The following INSR variants were observed in gnomAD, a reference collection of about 807,000 sequenced individuals.
The protein encoded by INSR is insulin receptor, also known as IR.
INSR carries 67 observed loss-of-function variants against 142.6 expected under a neutral mutation model. The observed-to-expected ratio is 0.47, with a 90% CI of 0.39 to 0.58. INSR has a LOEUF of 0.58. Ranked by LOEUF, INSR falls within the 20% of genes least tolerant of loss-of-function variation. The pLI is 0.00. For synonymous variants in INSR, 756 were observed against 743.1 expected (o/e 1.02, Z -0.28); for missense variants, 1,248 against 1,833.2 (o/e 0.68, Z 5.83).
intron 1 of INSR, among the ~76,000 whole-genome samples, chr19:7,284,222 G>A (rs962247086): frequency 2.0e-5 from 3 of 151,780 alleles, no homozygotes; most frequent in Non-Finnish European, 2.9e-5. Flanking sequence ...GCGCCATCAC[G>A]CCCAGCTAAT....
At chr19:7,226,366 C>T (rs979110468) in intron 2 of INSR, among the ~76,000 whole-genome samples, 11 of 149,096 alleles carry the variant, frequency 7.4e-5, no homozygotes, top group Non-Finnish European at 1.5e-4. Context: ...GCCAAGATCG[C>T]ACCACTGCAC....
intron 13 of INSR, among the ~76,000 whole-genome samples, chr19:7,141,045 T>G (rs1973059365): frequency 6.6e-6 from 1 of 152,180 alleles, no homozygotes; most frequent in Non-Finnish European, 1.5e-5. Context: ...ATAAGGTTTT[T>G]GTTGTTGCTG....
intron 3 of INSR, among the ~76,000 whole-genome samples, chr19:7,178,013 A>T (rs1389544355): frequency 6.6e-6 from 1 of 152,064 alleles, no homozygotes; most frequent in Non-Finnish European, 1.5e-5. Flanking sequence ...ACGCAATTTT[A>T]TCCGTTGCTA....
chr19:7,201,729 C>A (rs186467489), intron 2 of INSR, among the ~76,000 whole-genome samples: 19 of 139,102 alleles, frequency 1.4e-4, no homozygotes, highest in African/African-American at 5.1e-4. Context: ...GTGGCGCGAT[C>A]TCGGCTCACG....
intron 2 of INSR, among the ~76,000 whole-genome samples, chr19:7,240,359 G>A (rs1175545707): frequency 6.6e-6 from 1 of 152,120 alleles, no homozygotes; most frequent in Non-Finnish European, 1.5e-5. Context: ...GAGGCAGGTG[G>A]ATTACCTGAA....
At position 7,115,085 on chromosome 19, in the gene INSR, C is replaced by T. The variant is rs1972291913; in HGVS notation, c.*1971G>A. ...AGCAATAGACAATTGGGATTCATGT[C>T]TACCTGTGTTCTTAATCAAGAATTG... On this transcript the variant is annotated 3_prime_UTR_variant, in exon 22 of 22. Transcript: ENST00000302850. 6.6e-6 allele frequency: 1 copy of T among 152,184 alleles called. No individual in the cohort carries two copies. Among genetic ancestry groups the T allele is most frequent in the Non-Finnish European group, 1.5e-5 (1 of 68,034 alleles). 9.4% of individuals were successfully genotyped at this position (152,184 alleles called of 1,614,324 possible).
At chr19:7,263,172 G>A (rs984417570) in intron 2 of INSR, among the ~76,000 whole-genome samples, 3 of 151,968 alleles carry the variant, frequency 2.0e-5, no homozygotes, top group Non-Finnish European at 4.4e-5. Context: ...CCAGTCACTC[G>A]GAAGGCTGAG....
At chr19:7,118,210 C>A (rs1972384159) in intron 21 of INSR, among the ~76,000 whole-genome samples, 1 of 151,828 alleles carries the variant, frequency 6.6e-6, no homozygotes, top group South Asian at 2.1e-4. Context: ...CTGCGCTCTA[C>A]CAGCCTGGGT....
chr19:7,189,136 T>C (rs1974510291), intron 2 of INSR, among the ~76,000 whole-genome samples: 1 of 151,732 alleles, frequency 6.6e-6, no homozygotes, highest in South Asian at 2.1e-4. Flanking sequence ...CAGACAACAA[T>C]GATCCAGGAC....
rs8105997 is a variant in INSR at position 7,216,716 on chromosome 19, G to A, written c.653-32079C>T. On this transcript the variant is annotated intron_variant, in intron 2 of 21. Coordinates refer to ENST00000302850, the MANE Select transcript of INSR (RefSeq NM_000208.4). This position sits in a 1 kb window ranked among gnomAD's most constrained non-coding sequence, Gnocchi z 4.2. ...CCTGTTGGCCCCTGGCTAGAGACCCGCCCAGAGGGGGTTTCCAGGCCCAGG... is the reference window on the plus strand; with the variant it reads ...CCTGTTGGCCCCTGGCTAGAGACCCACCCAGAGGGGGTTTCCAGGCCCAGG... Among the ~76,000 whole-genome samples, 5,146 of 152,246 alleles carry A rather than the reference G, an allele frequency of 0.034. 292 individuals are homozygous for A. Among genetic ancestry groups the A allele is most frequent in the African/African-American group, 0.12 (4,822 of 41,532 alleles).
At chr19:7,122,495 G>T in intron 19 of INSR, 119 bp downstream of exon 19, 9 of 995,356 alleles carry the variant, frequency 9.0e-6, no homozygotes, top group African/African-American at 1.8e-5. Context: ...AAAAAAAAAA[G>T]AAGTATCTTG....
In INSR at chr19:7,117,271, G is replaced by T. The variant is rs201506342; in HGVS notation, c.3934C>A (p.Pro1312Thr). 5 of 1,614,194 alleles carry T rather than the reference G, an allele frequency of 3.1e-6. No individual in the cohort carries two copies. In the Admixed American group the frequency reaches 8.3e-5, roughly 27 times the overall value. Residue 1312 changes from proline (P) to threonine (T), a missense_variant, in exon 22 of 22, where the codon CCC becomes ACC. Physicochemically the swap from Pro to Thr is conservative, Grantham distance 38 (BLOSUM62 -1). Transcript: ENST00000302850. ...SFFHSEENKAPESEELEMEFE... is the reference protein window; with the variant it reads ...SFFHSEENKATESEELEMEFE... Reference sequence around the variant, plus strand: ...TCCATCTCCAGCTCCTCACTCTCGGGAGCCTTGTTCTCCTCGCTGTGGAAG... The same window carrying T: ...TCCATCTCCAGCTCCTCACTCTCGGTAGCCTTGTTCTCCTCGCTGTGGAAG...
At chr19:7,122,855 G>T (rs373852253) in intron 18 of INSR, 24 bp downstream of exon 18, 2 of 1,609,590 alleles carry the variant, frequency 1.2e-6, no homozygotes, top group African/African-American at 1.3e-5. Flanking sequence ...CGAGTACCCC[G>T]CTGGGTCCCC....
At position 7,153,028 on chromosome 19, in the gene INSR, A is replaced by C. The variant is rs1599913677; in HGVS notation, c.2030-101T>G. 3.6e-5 allele frequency: 16 copies of C among 441,568 alleles called. No individual in the cohort carries two copies. The African/African-American group carries it at 9.6e-4, about 27-fold the overall frequency. 27.4% of individuals were successfully genotyped at this position (441,568 alleles called of 1,614,324 possible). A position where few individuals can be genotyped will look rare whatever the true frequency, so the allele number is the denominator to read the frequency against. On this transcript the variant is annotated intron_variant, in intron 9 of 21. Transcript: ENST00000302850. ...CACACACACACCACACACACACACC[A>C]CACACACACACACCACACACCCCCC...
chr19:7,281,816 C>T (rs1217396687), intron 1 of INSR, among the ~76,000 whole-genome samples: 1 of 152,144 alleles, frequency 6.6e-6, no homozygotes, highest in African/African-American at 2.4e-5. Context: ...CTATGGTTTC[C>T]ACATTCCCAC....
intron 2 of INSR, among the ~76,000 whole-genome samples, chr19:7,215,978 T>C (rs1198629601): frequency 6.6e-6 from 1 of 152,104 alleles, no homozygotes; most frequent in Non-Finnish European, 1.5e-5. Flanking sequence ...CCGACGGGAA[T>C]TGAAACAGGT....
At chr19:7,293,744 T>C (rs1968559283) in intron 1 of INSR, 48 bp downstream of exon 1, 2 of 1,291,350 alleles carry the variant, frequency 1.5e-6, no homozygotes, top group Non-Finnish European at 2.0e-6. Flanking sequence ...GGTGGGGTCC[T>C]CTCCCCATCG....
chr19:7,199,298 C>T (rs1029100567), intron 2 of INSR, among the ~76,000 whole-genome samples: 14 of 152,116 alleles, frequency 9.2e-5, no homozygotes, highest in Non-Finnish European at 7.3e-5. Flanking sequence ...GCTACTTTGC[C>T]AATAACCAGC....
At chr19:7,218,137 CAG>C (rs764498077) in intron 2 of INSR, among the ~76,000 whole-genome samples, 68 of 152,020 alleles carry the variant, frequency 4.5e-4, no homozygotes, top group Non-Finnish European at 7.4e-4. Flanking sequence ...TAGGAAAACA[CAG>C]GGGGAAGGGG....
Sources: allele counts gnomAD v4.1 joint callset (sites outside exome capture counted in the v4.1 genomes callset), GRCh38; gene constraint gnomAD v4.1.1; non-coding constraint Gnocchi (gnomAD v3.1); transcripts MANE v1.5; gene names NCBI Gene and HGNC (gene_info 2026-07-23, HGNC 2026-07-21).